Variants in FAM83E observed in about 807,000 individuals in gnomAD.
FAM83E encodes scaffolding CK1 anchoring protein E.
FAM83E carries 29 observed loss-of-function variants against 34.3 expected under a neutral mutation model. The ratio of observed to expected loss-of-function variants is 0.85; its 90% confidence interval spans 0.63 to 1.15. The LOEUF is 1.15. Among genes scored for constraint, FAM83E ranks in the 50% most tolerant of loss-of-function variants. FAM83E has a pLI of 0.00. For missense variants in FAM83E, 697 were observed against 685.0 expected (o/e 1.02, Z -0.20); for synonymous variants, 312 against 311.6 (o/e 1.00, Z -0.01).
intron 5 of FAM83E, among the ~76,000 whole-genome samples, chr19:48,606,076 C>T (rs1011748165): frequency 2.6e-5 from 4 of 151,616 alleles, no homozygotes; most frequent in African/African-American, 9.7e-5. Context: ...TTTGGGAGGT[C>T]GAGGCGGGCA....
chr19:48,610,324 G>A (rs1974017658), intron 4 of FAM83E, among the ~76,000 whole-genome samples: 1 of 150,504 alleles, frequency 6.6e-6, no homozygotes, highest in Admixed American at 6.6e-5. Flanking sequence ...GTTTGAACCC[G>A]GGAGGTGGAG....
chr19:48,610,398 CAAAAAAAAAAAAA>C (rs71179016), intron 4 of FAM83E, among the ~76,000 whole-genome samples: 3 of 31,334 alleles, frequency 9.6e-5, no homozygotes, highest in South Asian at 1.7e-3. Flanking sequence ...CACTCCGTCT[CAAAAAAAAAAAAA>C]AAAAAAAAAA....
In FAM83E at chr19:48,602,736, T is replaced by C. The variant is rs1190934317; in HGVS notation, c.1176+758A>G. Among the ~76,000 whole-genome samples, 26 of 102,348 alleles carry C rather than the reference T, an allele frequency of 2.5e-4. 3 individuals are homozygous for C. Among genetic ancestry groups the C allele is most frequent in the African/African-American group, 8.7e-4 (22 of 25,298 alleles). 67.1% of individuals were successfully genotyped at this position (102,348 alleles called of 152,430 possible). A position where few individuals can be genotyped will look rare whatever the true frequency, so the allele number is the denominator to read the frequency against. ...ATATATATATATATATATATATATA[T>C]ATATATATATATATATAGCTTTCTT... On this transcript the variant is annotated intron_variant, in intron 6 of 6. Transcript: ENST00000263266.
chr19:48,609,806 T>C, intron 5 of FAM83E, 70 bp downstream of exon 5: 1 of 1,527,950 alleles, frequency 6.5e-7, no homozygotes, highest in East Asian at 2.3e-5. Flanking sequence ...ATGCCAGCTG[T>C]TCTCTGAGCA....
At chr19:48,608,450 T>A (rs58879734) in intron 5 of FAM83E, among the ~76,000 whole-genome samples, 1,850 of 147,574 alleles carry the variant, frequency 0.013, 37 homozygotes, top group African/African-American at 0.043. Context: ...TTTTTTTTTT[T>A]TTTTTATTTT....
chr19:48,613,462 T>C lies in FAM83E; in HGVS notation c.-90A>G. On this transcript the variant is annotated 5_prime_UTR_variant, in exon 3 of 7. Coordinates refer to ENST00000263266, the MANE Select transcript of FAM83E (RefSeq NM_017708.4). Reference sequence around the variant, plus strand: ...GGGGACTGTGATCATCTGGGGGTTCTCCTGATAGGCAGACCCTACGTGGCC... The same window carrying C: ...GGGGACTGTGATCATCTGGGGGTTCCCCTGATAGGCAGACCCTACGTGGCC... 6.9e-7 allele frequency: 1 copy of C among 1,439,572 alleles called. No individual in the cohort carries two copies. The highest frequency in any genetic ancestry group is 9.1e-7 in the Non-Finnish European group (1 of 1,100,436). 89.2% of individuals were successfully genotyped at this position (1,439,572 alleles called of 1,614,324 possible).
In FAM83E at chr19:48,603,564, C is replaced by A; in HGVS notation, c.1106G>T (p.Arg369Leu). ...RARTPSGPPARPSRSMWDLSR... is the reference protein window; with the variant it reads ...RARTPSGPPALPSRSMWDLSR... ...TAGGTCCCACATGGAGCGGCTGGGC[C>A]GGGCCGGGGGGCCGCTGGGGGTCCG... is the stretch of plus-strand genomic sequence containing the variant. Residue 369 changes from arginine to leucine, a missense_variant, in exon 6 of 7, where the codon CGG (arginine) becomes CTG (leucine). Arg to Leu is a moderately radical substitution (Grantham distance 102, BLOSUM62 -2). Transcript: ENST00000263266. 2.6e-6 allele frequency: 4 copies of A among 1,559,220 alleles called. No homozygotes were observed. The highest frequency in any genetic ancestry group is 3.4e-6 in the Non-Finnish European group (4 of 1,161,302).
In FAM83E at chr19:48,613,167, G is replaced by A. The variant is rs1268197099; in HGVS notation, c.206C>T (p.Ala69Val). The change falls in exon 3 of 7, where the codon GCG becomes GTG. Residue 69 changes from alanine to valine, a missense_variant. Physicochemically the swap from Ala to Val is moderately conservative, Grantham distance 64. Transcript: ENST00000263266. ...GGCCACTGTCCAGTCTTCAGCTGCC[G>A]CTGCCAAGCCCTGAACCTCATCCGC... ...LSADEVQGLA[A>V]AAEDWTVAKQ... 9 of 1,612,060 alleles carry A rather than the reference G, an allele frequency of 5.6e-6. No individual in the cohort carries two copies. The highest frequency in any genetic ancestry group is 1.7e-5 in the Admixed American group (1 of 60,018).
chr19:48,611,976 C>T (rs1450478846), intron 3 of FAM83E, among the ~76,000 whole-genome samples: 5 of 151,996 alleles, frequency 3.3e-5, no homozygotes, highest in South Asian at 4.1e-4. Flanking sequence ...TTGGGGGACA[C>T]GGAGGTGCTG....
At chr19:48,607,217 G>A (rs1422934589) in intron 5 of FAM83E, 2 of 1,612,992 alleles carry the variant, frequency 1.2e-6, no homozygotes, top group African/African-American at 1.3e-5. Flanking sequence ...GTCAGCTACA[G>A]GGGCGTCACC....
rs780352208 is a variant in FAM83E, at chr19:48,613,485, GCCAT to G, written c.-117_-114del. 2 of 1,430,688 alleles carry G rather than the reference GCCAT, an allele frequency of 1.4e-6. No individual in the cohort carries two copies. Among genetic ancestry groups the G allele is most frequent in the Non-Finnish European group, 1.8e-6 (2 of 1,096,568 alleles). 88.6% of individuals were successfully genotyped at this position (1,430,688 alleles called of 1,614,324 possible). Reference sequence around the variant, plus strand: ...TCTCCTGATAGGCAGACCCTACGTGGCCATCCGAGGCCTCCGGCGGGGCCCTGCA... The same window carrying G: ...TCTCCTGATAGGCAGACCCTACGTGGCCGAGGCCTCCGGCGGGGCCCTGCA... On this transcript the variant is annotated 5_prime_UTR_variant, in exon 3 of 7. An upstream start codon of the reference 5' UTR is lost. Coordinates refer to ENST00000263266, the MANE Select transcript of FAM83E (RefSeq NM_017708.4).
At position 48,614,347 on chromosome 19, in the gene FAM83E, G is replaced by A. The variant is rs1974105177; in HGVS notation, c.-975C>T. ...GCCCCTGCCTGGGGCCTGGCCCTGG[G>A]ACCTGTTCCAGGCCGTCCTCTGATC... On this transcript the variant is annotated 5_prime_UTR_variant, in exon 3 of 7. Coordinates refer to ENST00000263266, the MANE Select transcript of FAM83E (RefSeq NM_017708.4). 2 of 985,424 alleles carry A rather than the reference G, an allele frequency of 2.0e-6. No individual in the cohort carries two copies. Among genetic ancestry groups the A allele is most frequent in the Non-Finnish European group, 2.4e-6 (2 of 830,036 alleles). The allele number at this position is 985,424 out of a possible 1,614,324, so 61.0% of individuals were successfully genotyped here.
chr19:48,609,788 G>T (rs567023779), intron 5 of FAM83E, 88 bp downstream of exon 5: 449 of 1,422,930 alleles, frequency 3.2e-4, no homozygotes, highest in Non-Finnish European at 4.2e-4. Flanking sequence ...AGAGGCCTGG[G>T]CAAGGGGATG....
rs760982661 is a variant in FAM83E at position 48,600,257 on chromosome 19, G to C, written c.*852C>G. Among the ~76,000 whole-genome samples the C allele has an allele frequency of 3.4e-4, 52 of 152,350 alleles. No homozygotes were observed. Among genetic ancestry groups the C allele is most frequent in the Non-Finnish European group, 5.4e-4 (37 of 68,036 alleles). The stretch of plus-strand genomic sequence containing the variant: ...TCGGGAGCTGTGTGTGTCTTCTTTA[G>C]GATCCGCTGCCTGGGGACGCTGCCA... On this transcript the variant is annotated 3_prime_UTR_variant, in exon 7 of 7. Coordinates refer to ENST00000263266, the MANE Select transcript of FAM83E (RefSeq NM_017708.4).
In FAM83E at chr19:48,601,247, C is replaced by T; in HGVS notation, c.1299G>A (p.Leu433=). 1 of 1,603,750 alleles carries T rather than the reference C, an allele frequency of 6.2e-7. No homozygotes were observed. Among genetic ancestry groups the T allele is most frequent in the Non-Finnish European group, 8.5e-7 (1 of 1,174,534 alleles). Residue 433 remains leucine (L), a synonymous_variant, in exon 7 of 7, where the codon CTG becomes CTA. Transcript: ENST00000263266. Reference sequence around the variant, plus strand: ...GATAGCGGAGGCGGTGGGCGGGGGGCAGGGGCAGGGCACCGCCCCACGGAG... The same window carrying T: ...GATAGCGGAGGCGGTGGGCGGGGGGTAGGGGCAGGGCACCGCCCCACGGAG... ...SRPPWGGALP[L]PPAHRLRYLS...
rs1247511417 is a variant in FAM83E, at chr19:48,601,217, G to A, written c.1329C>T (p.Ser443=). ...LPPAHRLRYL[S]PARRRFGGDA... ...CCCCACCGAACCGCCTTCGGGCTGG[G>A]GACAGATAGCGGAGGCGGTGGGCGG... Residue 443 remains serine (S), a synonymous_variant, in exon 7 of 7, where the codon TCC becomes TCT. Transcript: ENST00000263266. 6.2e-7 allele frequency: 1 copy of A among 1,610,514 alleles called. No individual in the cohort carries two copies. The highest frequency in any genetic ancestry group is 2.2e-5 in the East Asian group (1 of 44,770).
intron 5 of FAM83E, among the ~76,000 whole-genome samples, chr19:48,607,930 G>A (rs1973965592): frequency 6.6e-6 from 1 of 151,534 alleles, no homozygotes; most frequent in African/African-American, 2.4e-5. Context: ...CACCAAGCTG[G>A]GAAGGTAAAC....
At chr19:48,611,163 G>T (rs1160054012) in intron 3 of FAM83E, among the ~76,000 whole-genome samples, 3 of 149,900 alleles carry the variant, frequency 2.0e-5, no homozygotes, top group Admixed American at 6.7e-5. Context: ...TGTTGTTGTT[G>T]TTTTTTGTTG....
intron 6 of FAM83E, 112 bp from the exon 7 acceptor site, chr19:48,601,481 A>G: frequency 1.4e-6 from 2 of 1,471,440 alleles, no homozygotes; most frequent in South Asian, 1.4e-5. Context: ...AAAGTGACAG[A>G]CGGCCAGGCA....
Sources: allele counts gnomAD v4.1 joint callset (sites outside exome capture counted in the v4.1 genomes callset), GRCh38; gene constraint gnomAD v4.1.1; transcripts MANE v1.5; gene names NCBI Gene and HGNC (gene_info 2026-07-23, HGNC 2026-07-21).